SORL1: variants seen among roughly 807,000 people sequenced by gnomAD.
SORL1 encodes the protein sortilin-related receptor.
SORL1 carries 127 observed loss-of-function variants against 273.7 expected under a neutral mutation model. The observed-to-expected ratio is 0.46, with a 90% CI of 0.40 to 0.54. The LOEUF is 0.54. Ranked by LOEUF, SORL1 falls within the 20% of genes least tolerant of loss-of-function variation. SORL1 has a pLI of 0.00. For missense variants in SORL1, 2,494 were observed against 2,846.1 expected (o/e 0.88, Z 2.81); for synonymous variants, 1,031 against 1,067.4 (o/e 0.97, Z 0.66).
chr11:121,542,320 GTCCTGAACTAAA>G (rs1862360132), intron 12 of SORL1, among the ~76,000 whole-genome samples: 1 of 152,200 alleles, frequency 6.6e-6, no homozygotes, highest in African/African-American at 2.4e-5. Flanking sequence ...GATTTAGCCA[GTCCTGAACTAAA>G]TCCTGGATTG....
intron 8 of SORL1, 67 bp downstream of exon 8, chr11:121,514,388 C>A: frequency 6.8e-7 from 1 of 1,464,440 alleles, no homozygotes; most frequent in East Asian, 2.4e-5. Context: ...CTCTCTGGTT[C>A]TGTGGTTTTC....
intron 12 of SORL1, among the ~76,000 whole-genome samples, chr11:121,536,819 T>C (rs1220200223): frequency 1.3e-5 from 2 of 152,050 alleles, no homozygotes; most frequent in Non-Finnish European, 2.9e-5. Context: ...CTAGGAAAGA[T>C]TCGAGGTGCC....
chr11:121,587,919 T>A, intron 27 of SORL1, 101 bp from the exon 28 acceptor site: 1 of 1,429,798 alleles, frequency 7.0e-7, no homozygotes, highest in Non-Finnish European at 9.6e-7. Context: ...TTACTGTTGC[T>A]TCCTGAAGCC....
At chr11:121,552,079 A>G in intron 16 of SORL1, among the ~76,000 whole-genome samples, 1 of 152,188 alleles carries the variant, frequency 6.6e-6, no homozygotes, top group East Asian at 1.9e-4. Context: ...AAGATAGAAC[A>G]GGGAACGAAG....
At chr11:121,600,950 G>A (rs1412625531) in intron 32 of SORL1, among the ~76,000 whole-genome samples, 2 of 151,540 alleles carry the variant, frequency 1.3e-5, no homozygotes, top group South Asian at 2.1e-4. Context: ...CATTGTGCAC[G>A]TTAGTTACAT....
chr11:121,599,280 C>T (rs188953097), intron 32 of SORL1, among the ~76,000 whole-genome samples: 1 of 152,338 alleles, frequency 6.6e-6, no homozygotes, highest in East Asian at 1.9e-4. Flanking sequence ...CGCGGTGGCT[C>T]ACACCTGTAA....
intron 22 of SORL1, among the ~76,000 whole-genome samples, chr11:121,569,872 C>T (rs1862810910): frequency 1.3e-5 from 2 of 152,164 alleles, no homozygotes; most frequent in African/African-American, 4.8e-5. Context: ...TTTTACGGCT[C>T]AGGGGGCATC....
rs1863814982 is a variant in SORL1, at chr11:121,627,575, C to T, written c.6385C>T (p.Gln2129Ter). The change falls in exon 47 of 48, where the codon CAG becomes TAG. Residue 2129 changes from glutamine (Q) to a stop codon, truncating the protein, a stop_gained. Coordinates refer to ENST00000260197, the MANE Select transcript of SORL1 (RefSeq NM_003105.6). LOFTEE classifies it high-confidence loss of function. The surrounding 1 kb of genome is among the most constrained non-coding windows in gnomAD (Gnocchi z 4.9). ...GGCAGGTGCAGATGCATCTGCAACG[C>T]AGGCTGCCAGATCTACGGATGTTGC... ...LGSGADASATQAARSTDVAAV... is the reference protein window; with the variant it reads ...LGSGADASAT 1.2e-6 allele frequency: 2 copies of T among 1,614,070 alleles called. No homozygotes were observed. The highest frequency in any genetic ancestry group is 1.7e-5 in the Admixed American group (1 of 60,012).
At chr11:121,538,578 A>G (rs765907759) in intron 12 of SORL1, among the ~76,000 whole-genome samples, 72 of 152,302 alleles carry the variant, frequency 4.7e-4, no homozygotes, top group Non-Finnish European at 5.1e-4. Context: ...AACAGGACGG[A>G]TGTTCCCCGT....
At chr11:121,490,135 T>G (rs945782213) in intron 5 of SORL1, 25 bp downstream of exon 5, 5 of 1,537,754 alleles carry the variant, frequency 3.3e-6, no homozygotes, top group African/African-American at 1.4e-5. Context: ...CTAAGAAATC[T>G]TGATATATGT....
chr11:121,551,076 T>A (rs917805278), intron 16 of SORL1, among the ~76,000 whole-genome samples: 1 of 152,248 alleles, frequency 6.6e-6, no homozygotes, highest in Non-Finnish European at 1.5e-5. Context: ...TAAAACTAAC[T>A]GTAACTAAAA....
At chr11:121,573,017 G>C (rs528813693) in intron 23 of SORL1, among the ~76,000 whole-genome samples, 2 of 152,282 alleles carry the variant, frequency 1.3e-5, no homozygotes, top group East Asian at 3.9e-4. Flanking sequence ...TCACTCTCCT[G>C]AGAGCAGCCT....
At chr11:121,474,090 G>A (rs1017480627) in intron 2 of SORL1, among the ~76,000 whole-genome samples, 2 of 152,168 alleles carry the variant, frequency 1.3e-5, no homozygotes, top group African/African-American at 4.8e-5. Context: ...GAACACCTGG[G>A]CTGGAATCCC....
chr11:121,518,367 G>A (rs1861984506), intron 8 of SORL1, among the ~76,000 whole-genome samples: 1 of 152,138 alleles, frequency 6.6e-6, no homozygotes, highest in Non-Finnish European at 1.5e-5. Flanking sequence ...AGGTCAAGTG[G>A]GGGAAAGGAA....
intron 36 of SORL1, 72 bp downstream of exon 36, chr11:121,607,029 G>A (rs750475744): frequency 3.8e-5 from 46 of 1,226,052 alleles, no homozygotes; most frequent in East Asian, 7.0e-5. Flanking sequence ...TCTGTATGAC[G>A]AGGGGGTTGA....
At chr11:121,609,729 G>C (rs1170559791) in intron 38 of SORL1, 1 of 152,186 alleles carries the variant, frequency 6.6e-6, no homozygotes, top group Non-Finnish European at 1.5e-5. Flanking sequence ...GACGCGCCAG[G>C]TTAATTGGTG....
chr11:121,633,033 TAACTG>T lies in SORL1; in HGVS notation c.*3471_*3475del, dbSNP rs1863895736. ...GACATTCCTGTTGTGTTATTTTTCT[TAACTG>T]GAGTGTGTGCTGCCTTTCAGGTACA... On this transcript the variant is annotated 3_prime_UTR_variant, in exon 48 of 48. Coordinates refer to ENST00000260197, the MANE Select transcript of SORL1 (RefSeq NM_003105.6). The T allele has an allele frequency of 6.6e-6, 1 of 152,212 alleles. No individual in the cohort carries two copies. The highest frequency in any genetic ancestry group is 1.5e-5 in the Non-Finnish European group (1 of 68,030). The allele number at this position is 152,212 out of a possible 1,614,324, so 9.4% of individuals were successfully genotyped here. A position where few individuals can be genotyped will look rare whatever the true frequency, so the allele number is the denominator to read the frequency against.
At chr11:121,477,198 A>T (rs1056036941) in intron 2 of SORL1, among the ~76,000 whole-genome samples, 5 of 152,164 alleles carry the variant, frequency 3.3e-5, no homozygotes, top group African/African-American at 1.2e-4. Flanking sequence ...TAACCCCGTG[A>T]TTATATTAAT....
At chr11:121,534,107 C>T (rs1278490922) in intron 12 of SORL1, among the ~76,000 whole-genome samples, 5 of 152,102 alleles carry the variant, frequency 3.3e-5, no homozygotes, top group African/African-American at 4.8e-5. Flanking sequence ...AGGTGGGCGA[C>T]GAAACAATTG....
Sources: gnomAD v4.1 joint callset for allele counts (sites outside exome capture counted in the v4.1 genomes callset) on GRCh38, gnomAD v4.1.1 for gene constraint, Gnocchi (gnomAD v3.1) non-coding constraint, MANE v1.5 for transcripts, NCBI Gene and HGNC (gene_info 2026-07-23, HGNC 2026-07-21) for gene names.